The following ELP4 variants were observed in gnomAD, a reference collection of about 807,000 sequenced individuals.
ELP4 encodes the protein elongator acetyltransferase complex subunit 4, also known as elongator complex protein 4.
Under a neutral mutation model 48.9 loss-of-function variants are expected in ELP4, and 51 were observed. The observed-to-expected ratio is 1.04, with a 90% confidence interval of 0.83 to 1.32. ELP4 has a LOEUF of 1.32. Ranked by LOEUF, ELP4 falls within the 40% of genes most tolerant of loss-of-function variation. The pLI, the probability that ELP4 is intolerant of heterozygous loss-of-function variation, is 0.00. For synonymous variants in ELP4, 210 were observed against 189.2 expected (o/e 1.11, Z -0.90); for missense variants, 519 against 514.6 (o/e 1.01, Z -0.08).
intron 9 of ELP4, among the ~76,000 whole-genome samples, chr11:31,723,450 A>G: frequency 6.6e-6 from 1 of 152,072 alleles, no homozygotes; most frequent in East Asian, 1.9e-4. Context: ...GACAGCAAAC[A>G]CAGAACATTA....
In ELP4 at chr11:31,627,199, TA is replaced by T; in HGVS notation, c.738+8del. The T allele has an allele frequency of 6.8e-7, 1 of 1,461,612 alleles. No homozygotes were observed. The highest frequency in any genetic ancestry group is 9.3e-7 in the Non-Finnish European group (1 of 1,074,888). The allele number at this position is 1,461,612 out of a possible 1,614,324, so 90.5% of individuals were successfully genotyped here. ...TTTGATGGATCCAATCCTCAGGTAT[TA>T]AATAGCTTCAAAGTCTTTTATAATT... On this transcript the variant is annotated splice_donor_region_variant and intron_variant, in intron 6 of 9. Transcript: ENST00000640961.
chr11:31,691,878 A>G (rs1946288695), intron 9 of ELP4, among the ~76,000 whole-genome samples: 1 of 152,176 alleles, frequency 6.6e-6, no homozygotes, highest in Non-Finnish European at 1.5e-5. Context: ...TTGTGATAGA[A>G]GTTATGATAT....
At chr11:31,596,263 G>A (rs1338160741) in intron 4 of ELP4, among the ~76,000 whole-genome samples, 2 of 152,138 alleles carry the variant, frequency 1.3e-5, no homozygotes, top group Non-Finnish European at 2.9e-5. Flanking sequence ...AAATTAGCTG[G>A]GCGTGGTGGC....
chr11:31,535,625 A>T (rs1956486566), intron 2 of ELP4, among the ~76,000 whole-genome samples: 1 of 152,202 alleles, frequency 6.6e-6, no homozygotes, highest in Non-Finnish European at 1.5e-5. Flanking sequence ...GGATTACAGA[A>T]GCGAGTGACT....
chr11:31,715,636 C>T (rs897399246), intron 9 of ELP4, among the ~76,000 whole-genome samples: 1 of 152,162 alleles, frequency 6.6e-6, no homozygotes, highest in Non-Finnish European at 1.5e-5. Flanking sequence ...AATTTGTAAT[C>T]TAGTTGTAGA....
At chr11:31,698,988 T>C (rs1047139448) in intron 9 of ELP4, among the ~76,000 whole-genome samples, 1 of 152,210 alleles carries the variant, frequency 6.6e-6, no homozygotes, top group Admixed American at 6.5e-5. Context: ...TAAATGGTCA[T>C]GATTATACAC....
At chr11:31,548,130 T>C (rs1162465075) in intron 3 of ELP4, among the ~76,000 whole-genome samples, 1 of 152,214 alleles carries the variant, frequency 6.6e-6, no homozygotes, top group Non-Finnish European at 1.5e-5. Flanking sequence ...TTGGAAGTTC[T>C]GGCCAGGGCA....
At chr11:31,717,685 C>T (rs929790688) in intron 9 of ELP4, among the ~76,000 whole-genome samples, 3 of 150,556 alleles carry the variant, frequency 2.0e-5, no homozygotes, top group Admixed American at 6.6e-5. Context: ...ACCCAGGAGG[C>T]GGTGGTTGCA....
In ELP4 at chr11:31,789,912, CTTT is replaced by C. The variant is rs759391101; in HGVS notation, c.*6409_*6411del. On this transcript the variant is annotated 3_prime_UTR_variant, in exon 10 of 10. Coordinates refer to ENST00000640961, the MANE Select transcript of ELP4 (RefSeq NM_019040.5). The stretch of plus-strand genomic sequence containing the variant: ...CTGAATTAACACAATATTTCCTTTC[CTTT>C]TTTTTTTTTTTTTTTTTTTTACTGT... 34,914 of 993,260 alleles carry C rather than the reference CTTT, an allele frequency of 0.035. No individual in the cohort carries two copies. The highest frequency in any genetic ancestry group is 0.04 in the Non-Finnish European group (27,934 of 690,190). 61.5% of individuals were successfully genotyped at this position (993,260 alleles called of 1,614,324 possible). A position where few individuals can be genotyped will look rare whatever the true frequency, so the allele number is the denominator to read the frequency against.
chr11:31,727,288 G>A lies in ELP4; in HGVS notation c.1144-56105G>A, dbSNP rs1639931304. On this transcript the variant is annotated intron_variant, in intron 9 of 9. Coordinates refer to ENST00000640961, the MANE Select transcript of ELP4 (RefSeq NM_019040.5). Reference sequence around the variant, plus strand: ...CTAAAAATGTGTTTGATTATGAAAGGAGAGTAGATATTAATTATTTTTTAT... The same window carrying A: ...CTAAAAATGTGTTTGATTATGAAAGAAGAGTAGATATTAATTATTTTTTAT... Among the ~76,000 whole-genome samples the A allele has an allele frequency of 2.0e-5, 3 of 152,046 alleles. No individual in the cohort carries two copies. In the South Asian group the frequency reaches 6.2e-4, roughly 32 times the overall value.
At chr11:31,622,174 T>C (rs990324200) in intron 5 of ELP4, among the ~76,000 whole-genome samples, 13 of 151,974 alleles carry the variant, frequency 8.6e-5, no homozygotes, top group Non-Finnish European at 1.9e-4. Context: ...TATCTATGTA[T>C]AGATTTTTCA....
chr11:31,736,168 G>A (rs1242524464), intron 9 of ELP4, among the ~76,000 whole-genome samples: 1 of 152,070 alleles, frequency 6.6e-6, no homozygotes, highest in African/African-American at 2.4e-5. Flanking sequence ...CAGAAATAAA[G>A]CCGCATATCT....
At chr11:31,592,258 TAA>T (rs956754567) in intron 3 of ELP4, among the ~76,000 whole-genome samples, 3 of 152,098 alleles carry the variant, frequency 2.0e-5, no homozygotes, top group Admixed American at 2.0e-4. Context: ...AAAAAATATA[TAA>T]AGAGTTGGGA....
intron 2 of ELP4, among the ~76,000 whole-genome samples, chr11:31,522,547 T>C (rs574406701): frequency 5.3e-5 from 8 of 152,240 alleles, no homozygotes; most frequent in Admixed American, 2.6e-4. Flanking sequence ...AATAGTTCTC[T>C]ACTGAAAAAT....
chr11:31,769,556 CTG>C (rs1377160593), intron 9 of ELP4, among the ~76,000 whole-genome samples: 4 of 152,134 alleles, frequency 2.6e-5, no homozygotes, highest in Non-Finnish European at 5.9e-5. Flanking sequence ...ATTCCGTAAG[CTG>C]TGTATCAGTC....
intron 5 of ELP4, among the ~76,000 whole-genome samples, chr11:31,618,945 A>T (rs1207289417): frequency 6.6e-6 from 1 of 152,096 alleles, no homozygotes; most frequent in East Asian, 1.9e-4. Flanking sequence ...ATTGGAGGTC[A>T]TCAGTCACCA....
chr11:31,512,967 G>A (rs1956037854), intron 1 of ELP4, among the ~76,000 whole-genome samples: 2 of 151,986 alleles, frequency 1.3e-5, no homozygotes, highest in Admixed American at 6.6e-5. Context: ...TGATAGTGAA[G>A]GGAATGTCAG....
intron 9 of ELP4, among the ~76,000 whole-genome samples, chr11:31,683,843 G>C (rs900239734): frequency 3.3e-5 from 5 of 152,096 alleles, no homozygotes; most frequent in African/African-American, 1.2e-4. Flanking sequence ...TCACTTATTA[G>C]ATACTAAGTA....
intron 2 of ELP4, 63 bp downstream of exon 2, chr11:31,520,154 T>C: frequency 1.4e-6 from 2 of 1,382,674 alleles, no homozygotes; most frequent in Non-Finnish European, 2.0e-6. Context: ...ATAATCATTT[T>C]ATCCAATTCC....
Sources: allele counts gnomAD v4.1 joint callset (sites outside exome capture counted in the v4.1 genomes callset), GRCh38; gene constraint gnomAD v4.1.1; transcripts MANE v1.5; gene names NCBI Gene and HGNC (gene_info 2026-07-23, HGNC 2026-07-21).